Variants in FAM174A observed in about 807,000 individuals in gnomAD.
The protein encoded by FAM174A is family with sequence similarity 174 member A.
Under a neutral mutation model 14.3 loss-of-function variants are expected in FAM174A, and 14 were observed. The observed-to-expected ratio is 0.98, with a 90% CI of 0.65 to 1.53. The LOEUF (loss-of-function observed/expected upper bound fraction) is 1.53, where lower values mean the gene tolerates loss of function less well. Ranked by LOEUF, FAM174A falls within the 40% of genes most tolerant of loss-of-function variation. The pLI is 0.00. For synonymous variants in FAM174A, 108 were observed against 111.4 expected (o/e 0.97, Z 0.19); for missense variants, 241 against 249.6 (o/e 0.97, Z 0.23).
rs1162956191 is a variant in FAM174A at position 100,565,982 on chromosome 5, C to T, written c.569+3794C>T. On this transcript the variant is annotated intron_variant, in intron 2 of 2. Coordinates refer to ENST00000312637, the MANE Select transcript of FAM174A (RefSeq NM_198507.3). ...AGATTTCATGAGACTTATTCAATAT[C>T]ATAAGAACAGCATGGGAAAAACTTG... Among the ~76,000 whole-genome samples, 5 of 149,826 alleles carry T rather than the reference C, an allele frequency of 3.3e-5. No individual in the cohort carries two copies. In the East Asian group the frequency reaches 9.8e-4, roughly 29 times the overall value.
intron 2 of FAM174A, among the ~76,000 whole-genome samples, chr5:100,570,523 A>G (rs1746758397): frequency 6.6e-6 from 1 of 151,970 alleles, no homozygotes; most frequent in South Asian, 2.1e-4. Flanking sequence ...GAAAAAGTCT[A>G]TACTTATGTG....
rs558497641 is a variant in FAM174A at position 100,572,498 on chromosome 5, G to A, written c.569+10310G>A. ...TTCCCACCTATGAGTGAGAATATGC[G>A]GTGTTCGGTTTTTTGTTCTTGCGAT... On this transcript the variant is annotated intron_variant, in intron 2 of 2. Transcript: ENST00000312637. Among the ~76,000 whole-genome samples, 754 of 150,350 alleles carry A rather than the reference G, an allele frequency of 5.0e-3. 8 individuals carry two copies. The highest frequency in any genetic ancestry group is 0.017 in the African/African-American group (686 of 40,580).
intron 1 of FAM174A, among the ~76,000 whole-genome samples, chr5:100,549,699 G>A (rs529091516): frequency 3.3e-5 from 5 of 151,730 alleles, no homozygotes; most frequent in African/African-American, 1.2e-4. Context: ...GAACTTTCTA[G>A]TTAAGGATGC....
At chr5:100,548,772 G>A (rs570825356) in intron 1 of FAM174A, among the ~76,000 whole-genome samples, 4 of 152,194 alleles carry the variant, frequency 2.6e-5, no homozygotes, top group South Asian at 2.1e-4. Context: ...ATGTGCATGC[G>A]CAGAACATCA....
intron 2 of FAM174A, among the ~76,000 whole-genome samples, chr5:100,576,676 T>A (rs1650412639): frequency 6.6e-6 from 1 of 152,202 alleles, no homozygotes; most frequent in Admixed American, 6.5e-5. Flanking sequence ...ACCAACTGTG[T>A]CTTGTATGTT....
At chr5:100,542,778 G>T (rs1268729265) in intron 1 of FAM174A, among the ~76,000 whole-genome samples, 1 of 152,082 alleles carries the variant, frequency 6.6e-6, no homozygotes, top group Non-Finnish European at 1.5e-5. Context: ...AGGATCTCTT[G>T]AGTCCAGGAG....
intron 2 of FAM174A, chr5:100,581,463 C>T (rs918068489): frequency 3.6e-6 from 3 of 827,444 alleles, no homozygotes; most frequent in Admixed American, 1.2e-4. Flanking sequence ...CAAATAAGAG[C>T]CTATGAAGGC....
chr5:100,556,455 G>T (rs550198060), intron 1 of FAM174A, among the ~76,000 whole-genome samples: 1 of 152,270 alleles, frequency 6.6e-6, no homozygotes, highest in South Asian at 2.1e-4. Flanking sequence ...GAACTTTAAA[G>T]TAGTTTTTTC....
At chr5:100,550,677 T>C (rs1490866818) in intron 1 of FAM174A, among the ~76,000 whole-genome samples, 1 of 152,146 alleles carries the variant, frequency 6.6e-6, no homozygotes, top group African/African-American at 2.4e-5. Context: ...TTAAAGGACA[T>C]GTATATAGTT....
chr5:100,553,581 G>C (rs962846867), intron 1 of FAM174A, among the ~76,000 whole-genome samples: 3 of 151,998 alleles, frequency 2.0e-5, no homozygotes, highest in Non-Finnish European at 1.5e-5. Flanking sequence ...TCTTGGATGA[G>C]TCAGTACATA....
intron 2 of FAM174A, among the ~76,000 whole-genome samples, chr5:100,566,699 T>C (rs1374995013): frequency 6.6e-6 from 1 of 151,844 alleles, no homozygotes. Flanking sequence ...CATCATAACA[T>C]CATAACATTA....
chr5:100,557,694 ATTTC>A (rs1262486858), intron 1 of FAM174A, among the ~76,000 whole-genome samples: 1 of 151,994 alleles, frequency 6.6e-6, no homozygotes, highest in East Asian at 1.9e-4. Context: ...GAATTTATCA[ATTTC>A]TTCTAGATTT....
chr5:100,541,620 A>T (rs1016041208), intron 1 of FAM174A, among the ~76,000 whole-genome samples: 1 of 152,028 alleles, frequency 6.6e-6, no homozygotes, highest in Admixed American at 6.6e-5. Context: ...TATTGAAGAT[A>T]TGGGAAAGGA....
chr5:100,564,351 A>T (rs534977205), intron 2 of FAM174A, among the ~76,000 whole-genome samples: 1 of 151,894 alleles, frequency 6.6e-6, no homozygotes, highest in African/African-American at 2.4e-5. Flanking sequence ...AAAAAATGGC[A>T]TAACAAAACT....
At chr5:100,561,913 G>A in intron 1 of FAM174A, 141 bp from the exon 2 acceptor site, 1 of 462,596 alleles carries the variant, frequency 2.2e-6, no homozygotes, top group Non-Finnish European at 3.6e-6. Context: ...ATCCTAGGTG[G>A]TAAATTTGTT....
At chr5:100,582,502 A>G (rs1434891748) in intron 2 of FAM174A, among the ~76,000 whole-genome samples, 1 of 152,014 alleles carries the variant, frequency 6.6e-6, no homozygotes, top group African/African-American at 2.4e-5. Context: ...GTTTGATCAA[A>G]TGCTTTTCAT....
In FAM174A at chr5:100,574,725, C is replaced by T. The variant is rs1056567970; in HGVS notation, c.570-11456C>T. ...CTATATTCTACCAGGGAGGAGGGGG[C>T]GGGGATAATATTCAAATAACTAAAA... On this transcript the variant is annotated intron_variant, in intron 2 of 2. Transcript: ENST00000312637. Among the ~76,000 whole-genome samples, 4 of 151,078 alleles carry T rather than the reference C, an allele frequency of 2.6e-5. No homozygotes were observed. In the South Asian group the frequency reaches 6.3e-4, roughly 24 times the overall value.
At chr5:100,575,274 T>G (rs528867412) in intron 2 of FAM174A, among the ~76,000 whole-genome samples, 1 of 152,172 alleles carries the variant, frequency 6.6e-6, no homozygotes, top group Admixed American at 6.5e-5. Context: ...TATTATACTT[T>G]GAGTTCTAGG....
chr5:100,550,435 A>G (rs148935628), intron 1 of FAM174A, among the ~76,000 whole-genome samples: 89 of 152,268 alleles, frequency 5.8e-4, no homozygotes, highest in African/African-American at 1.9e-3. Flanking sequence ...AAAAATTTAG[A>G]TATCTTTCTT....
Sources: gnomAD v4.1 joint callset for allele counts (sites outside exome capture counted in the v4.1 genomes callset) on GRCh38, gnomAD v4.1.1 for gene constraint, MANE v1.5 for transcripts, NCBI Gene and HGNC (gene_info 2026-07-23, HGNC 2026-07-21) for gene names.